DIP2B: variants seen among roughly 807,000 people sequenced by gnomAD.
DIP2B encodes DIP2 acetate--CoA ligase B (putative), also known as disco-interacting protein 2 homolog B.
DIP2B carries 76 observed loss-of-function variants against 198.0 expected under a neutral mutation model. The ratio of observed to expected loss-of-function variants is 0.38; its 90% CI spans 0.32 to 0.46. The LOEUF (loss-of-function observed/expected upper bound fraction) is 0.46, where lower values mean the gene tolerates loss of function less well. Among genes scored for constraint, DIP2B ranks in the 20% least tolerant of loss-of-function variants. The pLI is 0.99. For missense variants in DIP2B, 1,559 were observed against 1,978.4 expected, an observed-to-expected ratio of 0.79 and a Z score of 4.02; for synonymous variants, 701 against 739.1, an observed-to-expected ratio of 0.95 and a Z score of 0.84.
At chr12:50,602,458 A>G (rs1343372123) in intron 1 of DIP2B, among the ~76,000 whole-genome samples, 1 of 151,994 alleles carries the variant, frequency 6.6e-6, no homozygotes, top group Non-Finnish European at 1.5e-5. Context: ...TTGTAGAGAC[A>G]TGTTGCCCAG....
chr12:50,724,192 C>T (rs969214326), intron 27 of DIP2B, among the ~76,000 whole-genome samples: 2 of 152,174 alleles, frequency 1.3e-5, no homozygotes, highest in African/African-American at 4.8e-5. Flanking sequence ...TTATATTCTA[C>T]AAAGTGGGCC....
chr12:50,740,506 C>G (rs1472432448), intron 36 of DIP2B, among the ~76,000 whole-genome samples: 1 of 152,202 alleles, frequency 6.6e-6, no homozygotes, highest in Admixed American at 6.5e-5. Flanking sequence ...GTGCCTGGCA[C>G]ACAGGAAGCA....
chr12:50,672,401 G>A (rs1236740878), intron 5 of DIP2B, among the ~76,000 whole-genome samples: 1 of 152,090 alleles, frequency 6.6e-6, no homozygotes, highest in African/African-American at 2.4e-5. Flanking sequence ...AAAGATTTGC[G>A]TATTCACCAC....
intron 1 of DIP2B, among the ~76,000 whole-genome samples, chr12:50,539,236 CTTTT>C (rs11336743): frequency 1.5e-5 from 2 of 135,356 alleles, no homozygotes; most frequent in Admixed American, 7.4e-5. Context: ...TTTCTTTTTT[CTTTT>C]TTTTTTTTTT....
chr12:50,736,272 C>T (rs1940137185), intron 34 of DIP2B, among the ~76,000 whole-genome samples: 1 of 152,228 alleles, frequency 6.6e-6, no homozygotes, highest in South Asian at 2.1e-4. Context: ...GCCAAGCACA[C>T]CTCACGAGCA....
chr12:50,683,987 C>T (rs968302824), intron 10 of DIP2B, among the ~76,000 whole-genome samples: 1 of 151,946 alleles, frequency 6.6e-6, no homozygotes, highest in Non-Finnish European at 1.5e-5. Flanking sequence ...GTGGTGTGCA[C>T]CTGTAGTCCC....
intron 1 of DIP2B, among the ~76,000 whole-genome samples, chr12:50,593,707 CCTCCTCTCCTCTCCTCTCCTCTCCT>C (rs1565836987): frequency 3.3e-4 from 9 of 27,398 alleles, no homozygotes; most frequent in Admixed American, 9.4e-4. Flanking sequence ...TCTCCTCTCC[CCTCCTCTCCTCTCCTCTCCTCTCCT>C]CTCCTCTCCT....
chr12:50,629,969 T>C (rs542313787), intron 2 of DIP2B, among the ~76,000 whole-genome samples: 11 of 135,954 alleles, frequency 8.1e-5, no homozygotes, highest in African/African-American at 2.9e-4. Context: ...TTTTTTTTAA[T>C]GAGACAGTCC....
At chr12:50,712,225 G>C (rs1167386980) in intron 22 of DIP2B, among the ~76,000 whole-genome samples, 1 of 151,972 alleles carries the variant, frequency 6.6e-6, no homozygotes, top group Non-Finnish European at 1.5e-5. Flanking sequence ...TATAACTGTG[G>C]GTTCATTCTA....
At chr12:50,600,832 T>C (rs1356133940) in intron 1 of DIP2B, among the ~76,000 whole-genome samples, 1 of 151,806 alleles carries the variant, frequency 6.6e-6, no homozygotes, top group Non-Finnish European at 1.5e-5. Context: ...GGAAACCTCT[T>C]CCCAAGATAT....
intron 1 of DIP2B, among the ~76,000 whole-genome samples, chr12:50,588,376 C>T (rs1365413823): frequency 6.6e-6 from 1 of 152,020 alleles, no homozygotes; most frequent in Non-Finnish European, 1.5e-5. Context: ...TCTTGAACTC[C>T]TCATCTCAGG....
At chr12:50,511,438 A>G (rs1306462693) in intron 1 of DIP2B, among the ~76,000 whole-genome samples, 1 of 151,426 alleles carries the variant, frequency 6.6e-6, no homozygotes, top group East Asian at 2.0e-4. Flanking sequence ...ACTACAGGCA[A>G]ATGTCACTAC....
chr12:50,743,316 C>G (rs969409439), intron 37 of DIP2B, among the ~76,000 whole-genome samples: 2 of 152,114 alleles, frequency 1.3e-5, no homozygotes, highest in Non-Finnish European at 2.9e-5. Context: ...TTCCTGACCT[C>G]GTGATCCGCC....
intron 1 of DIP2B, among the ~76,000 whole-genome samples, chr12:50,590,722 T>C (rs1276784705): frequency 6.6e-6 from 1 of 152,210 alleles, no homozygotes. Flanking sequence ...ATTATTATGA[T>C]CATTTCCAGT....
At chr12:50,669,808 TTG>T (rs1413560339) in intron 4 of DIP2B, among the ~76,000 whole-genome samples, 1 of 152,184 alleles carries the variant, frequency 6.6e-6, no homozygotes, top group Admixed American at 6.5e-5. Context: ...CAGGTTCCCA[TTG>T]TGAGGTGCCA....
intron 1 of DIP2B, among the ~76,000 whole-genome samples, chr12:50,534,063 C>T (rs1295129616): frequency 6.6e-6 from 1 of 152,156 alleles, no homozygotes; most frequent in Non-Finnish European, 1.5e-5. Flanking sequence ...CATCTCCTTA[C>T]TCTAACTCAT....
intron 1 of DIP2B, among the ~76,000 whole-genome samples, chr12:50,597,616 AGAG>A (rs1958889711): frequency 6.6e-6 from 1 of 152,056 alleles, no homozygotes; most frequent in Non-Finnish European, 1.5e-5. Flanking sequence ...GGGGAGTTTG[AGAG>A]GAGGAGAACA....
At chr12:50,699,984 G>A (rs1251231525) in intron 19 of DIP2B, among the ~76,000 whole-genome samples, 4 of 151,758 alleles carry the variant, frequency 2.6e-5, no homozygotes, top group South Asian at 4.2e-4. Flanking sequence ...ATTTAATTTC[G>A]AGAGTAAACT....
At chr12:50,547,047 C>T (rs542594447) in intron 1 of DIP2B, among the ~76,000 whole-genome samples, 3 of 152,242 alleles carry the variant, frequency 2.0e-5, no homozygotes, top group South Asian at 2.1e-4. Context: ...TTTTGACCTT[C>T]GTGGTACTAT....
Sources: allele counts gnomAD v4.1 joint callset (sites outside exome capture counted in the v4.1 genomes callset), GRCh38; gene constraint gnomAD v4.1.1; transcripts MANE v1.5; gene names NCBI Gene and HGNC (gene_info 2026-07-23, HGNC 2026-07-21).